BAIAP2L1: variants seen among roughly 807,000 people sequenced by gnomAD.
The protein encoded by BAIAP2L1 is BAR/IMD domain-containing adapter protein 2-like 1.
BAIAP2L1 carries 35 observed loss-of-function variants against 66.3 expected under a neutral mutation model. That is an observed-to-expected ratio of 0.53 (90% CI 0.40 to 0.70). The LOEUF (loss-of-function observed/expected upper bound fraction) is 0.70. Among genes scored for constraint, BAIAP2L1 ranks in the 30% least tolerant of loss-of-function variants. The pLI, the probability that BAIAP2L1 is intolerant of heterozygous loss-of-function variation, is 0.00. For synonymous variants in BAIAP2L1, 269 were observed against 248.7 expected (o/e 1.08, Z -0.77); for missense variants, 622 against 656.9 (o/e 0.95, Z 0.58).
intron 1 of BAIAP2L1, among the ~76,000 whole-genome samples, chr7:98,364,380 T>C (rs894269106): frequency 6.6e-6 from 1 of 151,910 alleles, no homozygotes; most frequent in Non-Finnish European, 1.5e-5. Context: ...AACTCTCAGC[T>C]AATCTCCTGT....
intron 3 of BAIAP2L1, among the ~76,000 whole-genome samples, chr7:98,345,243 C>T (rs11768599): frequency 0.25 from 38,243 of 152,098 alleles, 5,062 homozygotes; most frequent in East Asian, 0.45. Flanking sequence ...CCTTCATGAA[C>T]GGCCATCAAG....
At chr7:98,370,190 T>A (rs1263566548) in intron 1 of BAIAP2L1, among the ~76,000 whole-genome samples, 1 of 151,714 alleles carries the variant, frequency 6.6e-6, no homozygotes, top group Non-Finnish European at 1.5e-5. Context: ...TCCTGGCTAA[T>A]GTGGCGAAAC....
chr7:98,294,217 T>C, intron 12 of BAIAP2L1, 106 bp from the exon 13 acceptor site: 1 of 1,201,904 alleles, frequency 8.3e-7, no homozygotes, highest in Non-Finnish European at 1.2e-6. Context: ...GGTTTCGAAC[T>C]CCTGAGCTCA....
chr7:98,335,203 T>C (rs550295912), intron 3 of BAIAP2L1, among the ~76,000 whole-genome samples: 88 of 148,466 alleles, frequency 5.9e-4, no homozygotes, highest in South Asian at 6.5e-4. Flanking sequence ...ATCCTCTCCA[T>C]GAGCCCTAAA....
intron 3 of BAIAP2L1, among the ~76,000 whole-genome samples, chr7:98,335,079 G>C (rs1801583071): frequency 6.8e-6 from 1 of 147,744 alleles, no homozygotes; most frequent in Non-Finnish European, 1.5e-5. Context: ...TGTGAACCCG[G>C]GAGGCGGAGC....
At chr7:98,337,591 T>C (rs1801643066) in intron 3 of BAIAP2L1, among the ~76,000 whole-genome samples, 1 of 152,206 alleles carries the variant, frequency 6.6e-6, no homozygotes, top group Non-Finnish European at 1.5e-5. Flanking sequence ...CAGAAAACAC[T>C]GGTCAAATAA....
Position 98,317,246 on chromosome 7 carries a change from T to C in BAIAP2L1, c.459A>G (p.Ala153=), listed in dbSNP as rs1801102501. ...CAATTTCTTTGTGTTCATATTTGAG[T>C]GCGTTTCGGCTTCCTTGGCTTTTCC... is the stretch of plus-strand genomic sequence containing the variant. ...IRRKSQGSRN[A]LKYEHKEIEY... The change falls in exon 6 of 14, where the codon GCA becomes GCG. Residue 153 remains alanine (A), a synonymous_variant. Coordinates refer to ENST00000005260, the MANE Select transcript of BAIAP2L1 (RefSeq NM_018842.5). 1 of 1,614,128 alleles carries C rather than the reference T, an allele frequency of 6.2e-7. No homozygotes were observed. The highest frequency in any genetic ancestry group is 8.5e-7 in the Non-Finnish European group (1 of 1,180,054).
At chr7:98,324,672 A>C (rs1801334819) in intron 3 of BAIAP2L1, among the ~76,000 whole-genome samples, 1 of 151,874 alleles carries the variant, frequency 6.6e-6, no homozygotes, top group Admixed American at 6.6e-5. Context: ...ACACAGTGAG[A>C]CCTCCACCAT....
intron 1 of BAIAP2L1, chr7:98,385,916 A>G (rs1420218802): frequency 4.9e-6 from 7 of 1,432,492 alleles, no homozygotes; most frequent in South Asian, 4.6e-5. Flanking sequence ...AGCTTTCCCA[A>G]TTCAAACTTG....
intron 12 of BAIAP2L1, among the ~76,000 whole-genome samples, chr7:98,303,613 C>A (rs1800515258): frequency 6.6e-6 from 1 of 152,206 alleles, no homozygotes; most frequent in Admixed American, 6.5e-5. Flanking sequence ...AGCTGGAGAG[C>A]CCACACCAGG....
intron 3 of BAIAP2L1, among the ~76,000 whole-genome samples, chr7:98,337,481 T>A (rs1801640952): frequency 6.6e-6 from 1 of 152,244 alleles, no homozygotes; most frequent in Non-Finnish European, 1.5e-5. Flanking sequence ...TCCACCCACC[T>A]TGGCCTCAGA....
chr7:98,342,973 C>A (rs577751904), intron 3 of BAIAP2L1, among the ~76,000 whole-genome samples: 31 of 151,960 alleles, frequency 2.0e-4, no homozygotes, highest in African/African-American at 7.5e-4. Context: ...GAAGGATTAA[C>A]CTTTATCACG....
chr7:98,313,672 G>C (rs1800961655), intron 7 of BAIAP2L1, among the ~76,000 whole-genome samples: 1 of 152,134 alleles, frequency 6.6e-6, no homozygotes, highest in Non-Finnish European at 1.5e-5. Context: ...AGGCTGGAGT[G>C]CACTGGCACA....
At chr7:98,386,740 G>A (rs968018236) in intron 1 of BAIAP2L1, among the ~76,000 whole-genome samples, 21 of 112,392 alleles carry the variant, frequency 1.9e-4, no homozygotes, top group East Asian at 3.0e-4. Flanking sequence ...TCGCTCTGTC[G>A]CCAGGCTGGA....
chr7:98,387,592 G>A (rs1046785800), intron 1 of BAIAP2L1, among the ~76,000 whole-genome samples: 8 of 152,132 alleles, frequency 5.3e-5, no homozygotes, highest in African/African-American at 1.7e-4. Context: ...GGATGCAGTG[G>A]CTCATGCCTT....
intron 12 of BAIAP2L1, among the ~76,000 whole-genome samples, chr7:98,295,308 C>A (rs1305573818): frequency 1.3e-5 from 2 of 152,136 alleles, no homozygotes; most frequent in African/African-American, 4.8e-5. Context: ...CTCCCCAGAT[C>A]CCCTGGGCAG....
intron 3 of BAIAP2L1, among the ~76,000 whole-genome samples, chr7:98,342,543 G>C (rs1013810543): frequency 6.6e-6 from 1 of 152,130 alleles, no homozygotes; most frequent in Admixed American, 6.5e-5. Flanking sequence ...TCTGTTTTGT[G>C]CCCAATTTCA....
chr7:98,384,881 T>C (rs905962701), intron 1 of BAIAP2L1, among the ~76,000 whole-genome samples: 1 of 152,056 alleles, frequency 6.6e-6, no homozygotes, highest in African/African-American at 2.4e-5. Context: ...GTATTTTTAG[T>C]AAAGATGGGA....
intron 5 of BAIAP2L1, among the ~76,000 whole-genome samples, chr7:98,318,524 C>A (rs1268115003): frequency 3.9e-5 from 6 of 151,926 alleles, no homozygotes; most frequent in Non-Finnish European, 1.5e-5. Context: ...TTGGATCCAC[C>A]CGCCTTGGCC....
Sources: allele counts gnomAD v4.1 joint callset (sites outside exome capture counted in the v4.1 genomes callset), GRCh38; gene constraint gnomAD v4.1.1; transcripts MANE v1.5; gene names NCBI Gene and HGNC (gene_info 2026-07-23, HGNC 2026-07-21).